The following GABRP variants were observed in gnomAD, a reference collection of about 807,000 sequenced individuals.
GABRP encodes gamma-aminobutyric acid receptor subunit pi.
A neutral mutation model predicts 47.8 loss-of-function variants in GABRP; 52 were observed. The observed-to-expected ratio is 1.09, with a 90% CI of 0.87 to 1.37. GABRP has a LOEUF of 1.37. GABRP is among the 40% of genes most tolerant of loss of function. The probability of loss-of-function intolerance (pLI) is 0.00; values close to 1 mark genes in which losing one functional copy is unlikely to be tolerated. For synonymous variants in GABRP, 221 were observed against 205.8 expected (o/e 1.07, Z -0.63); for missense variants, 525 against 542.8 (o/e 0.97, Z 0.33).
Position 170,788,686 on chromosome 5 carries a change from C to A in GABRP, c.53+18C>A, listed in dbSNP as rs1469728257. The A allele has an allele frequency of 6.2e-7, 1 of 1,613,040 alleles. No homozygotes were observed. The highest frequency in any genetic ancestry group is 1.7e-5 in the Admixed American group (1 of 60,012). ...ACTGAGAGGTGAGCTTTGCTACCCC[C>A]AGAATGGCCTCCATCTGCGTTGCTT... On this transcript the variant is annotated intron_variant, in intron 2 of 9. Transcript: ENST00000265294.
rs149005971 is a variant in GABRP at position 170,796,897 on chromosome 5, G to T, written c.459-569G>T. Among the ~76,000 whole-genome samples the T allele has an allele frequency of 3.5e-3, 531 of 152,308 alleles. 2 individuals are homozygous for T. The highest frequency in any genetic ancestry group is 0.012 in the African/African-American group (514 of 41,552). On this transcript the variant is annotated intron_variant, in intron 5 of 9. Transcript: ENST00000265294. ...GGTGAATGCAATCTCCACTGTGAGG[G>T]CATAACTGACCTTTAATTGAATATC...
At chr5:170,797,909 G>A (rs1286637300) in intron 6 of GABRP, among the ~76,000 whole-genome samples, 1 of 152,240 alleles carries the variant, frequency 6.6e-6, no homozygotes, top group East Asian at 1.9e-4. Flanking sequence ...CTGACACACA[G>A]TCGTGCCCAT....
Position 170,809,772 on chromosome 5 carries a change from C to T in GABRP, c.1020+17C>T, listed in dbSNP as rs1287278731. The stretch of plus-strand genomic sequence containing the variant: ...AAAGATAGGGTAAGAGTCTTGAGGG[C>T]CCTGTGTATGATCCATCACTGGTGC... On this transcript the variant is annotated intron_variant, in intron 9 of 9. Transcript: ENST00000265294. 1.4e-5 allele frequency: 22 copies of T among 1,573,076 alleles called. No homozygotes were observed. Among genetic ancestry groups the T allele is most frequent in the Non-Finnish European group, 1.7e-5 (20 of 1,160,032 alleles).
intron 1 of GABRP, among the ~76,000 whole-genome samples, chr5:170,786,161 T>C (rs1326659904): frequency 6.6e-6 from 1 of 152,028 alleles, no homozygotes; most frequent in East Asian, 1.9e-4. Context: ...AATAAACCTG[T>C]GGAAAATTGA....
Position 170,811,946 on chromosome 5 carries a change from T to G in GABRP, c.1021-10T>G. 1 of 1,611,810 alleles carries G rather than the reference T, an allele frequency of 6.2e-7. No homozygotes were observed. Among genetic ancestry groups the G allele is most frequent in the Non-Finnish European group, 8.5e-7 (1 of 1,178,308 alleles). On this transcript the variant is annotated splice_polypyrimidine_tract_variant and intron_variant, in intron 9 of 9. Coordinates refer to ENST00000265294, the MANE Select transcript of GABRP (RefSeq NM_014211.3). ...AGTCTTTTAAGCTAACTGCATTGTCTATGAACTAGGGGACAACAAAGGAAG... is the reference window on the plus strand; with the variant it reads ...AGTCTTTTAAGCTAACTGCATTGTCGATGAACTAGGGGACAACAAAGGAAG...
At chr5:170,796,628 A>G (rs1765436109) in intron 5 of GABRP, among the ~76,000 whole-genome samples, 1 of 152,176 alleles carries the variant, frequency 6.6e-6, no homozygotes, top group Admixed American at 6.5e-5. Context: ...CCTACCTAGT[A>G]GAACTGTTCA....
At chr5:170,799,000 A>C (rs1356210061) in intron 6 of GABRP, among the ~76,000 whole-genome samples, 1 of 133,788 alleles carries the variant, frequency 7.5e-6, no homozygotes, top group Non-Finnish European at 1.5e-5. Context: ...CTCACTGTTC[A>C]ATTCCCACCT....
chr5:170,805,391 C>T (rs180908649), intron 6 of GABRP, among the ~76,000 whole-genome samples: 225 of 152,198 alleles, frequency 1.5e-3, no homozygotes, highest in African/African-American at 4.3e-3. Context: ...AGTATCTTTG[C>T]GTGTTCACAG....
intron 6 of GABRP, among the ~76,000 whole-genome samples, chr5:170,800,582 G>A (rs1765564998): frequency 6.6e-6 from 1 of 152,122 alleles, no homozygotes. Flanking sequence ...GTGTTTTATG[G>A]CCTCAATCTG....
At chr5:170,798,263 G>A (rs1004840269) in intron 6 of GABRP, among the ~76,000 whole-genome samples, 3 of 152,052 alleles carry the variant, frequency 2.0e-5, no homozygotes, top group South Asian at 2.1e-4. Context: ...GGATGGTCTC[G>A]ATCTCCTGAC....
At position 170,812,012 on chromosome 5, in the gene GABRP, C is replaced by T. The variant is rs370084887; in HGVS notation, c.1077C>T (p.Ile359=). The T allele has an allele frequency of 1.6e-5, 26 of 1,614,082 alleles. No homozygotes were observed. Among genetic ancestry groups the T allele is most frequent in the Non-Finnish European group, 1.7e-5 (20 of 1,180,032 alleles). ...TTACTAATATCATCAACAGCTCCAT[C>T]TCCAGCTTTAAACGGAAGATCAGCT... ...VSITNIINSS[I]SSFKRKISFA... Residue 359 remains isoleucine (I), a synonymous_variant, in exon 10 of 10, where the codon ATC becomes ATT. Coordinates refer to ENST00000265294, the MANE Select transcript of GABRP (RefSeq NM_014211.3).
Position 170,783,729 on chromosome 5 carries a change from C to T in GABRP, c.-188C>T. ...TCCATTCTTCCCCAGAGAGCCACTCCATCTGAGGGTGGCTGCGTGTCCACA... is the reference window on the plus strand; with the variant it reads ...TCCATTCTTCCCCAGAGAGCCACTCTATCTGAGGGTGGCTGCGTGTCCACA... On this transcript the variant is annotated 5_prime_UTR_variant, in exon 1 of 10. Coordinates refer to ENST00000265294, the MANE Select transcript of GABRP (RefSeq NM_014211.3). 1 of 152,260 alleles carries T rather than the reference C, an allele frequency of 6.6e-6. No homozygotes were observed. The allele number at this position is 152,260 out of a possible 1,614,324, so 9.4% of individuals were successfully genotyped here.
At chr5:170,791,215 T>C (rs1025606764) in intron 3 of GABRP, among the ~76,000 whole-genome samples, 2 of 152,260 alleles carry the variant, frequency 1.3e-5, no homozygotes, top group Admixed American at 6.5e-5. Flanking sequence ...TAAAGGGATG[T>C]GATGCCTCAT....
rs1419640700 is a variant in GABRP at position 170,797,469 on chromosome 5, CACG to C, written c.465_467del (p.Thr157del). 3 of 1,605,298 alleles carry C rather than the reference CACG, an allele frequency of 1.9e-6. No homozygotes were observed. The highest frequency in any genetic ancestry group is 1.7e-5 in the Admixed American group (1 of 60,000). The stretch of plus-strand genomic sequence containing the variant: ...TGAACCTGTTTTTCCCTCTTAGAAT[CACG>C]ACAACTGTTGCATGTAACATGGATC... On this transcript the variant is annotated inframe_deletion, in exon 6 of 10. Coordinates refer to ENST00000265294, the MANE Select transcript of GABRP (RefSeq NM_014211.3).
intron 1 of GABRP, chr5:170,788,347 TA>T (rs5873237): frequency 0.092 from 31,855 of 347,410 alleles, 2,053 homozygotes; most frequent in African/African-American, 0.19. Flanking sequence ...AGGCCCTGTT[TA>T]AAAAAAATAA....
In GABRP at chr5:170,789,082, A is replaced by T. The variant is rs768619421; in HGVS notation, c.54-47A>T. 3 of 1,457,024 alleles carry T rather than the reference A, an allele frequency of 2.1e-6. No individual in the cohort carries two copies. In the South Asian group the frequency reaches 3.5e-5, roughly 17 times the overall value. 90.3% of individuals were successfully genotyped at this position (1,457,024 alleles called of 1,614,324 possible). A position where few individuals can be genotyped will look rare whatever the true frequency, so the allele number is the denominator to read the frequency against. ...AGCTCAAGGGTGTGTACACGTGTTGATTCACACATAAACAAGCAAACACAA... is the reference window on the plus strand; with the variant it reads ...AGCTCAAGGGTGTGTACACGTGTTGTTTCACACATAAACAAGCAAACACAA... On this transcript the variant is annotated intron_variant, in intron 2 of 9. Transcript: ENST00000265294.
At chr5:170,807,487 T>C (rs1193445169) in intron 7 of GABRP, among the ~76,000 whole-genome samples, 1 of 152,134 alleles carries the variant, frequency 6.6e-6, no homozygotes, top group African/African-American at 2.4e-5. Context: ...CAAATGTTGA[T>C]TCTAAGGTTT....
chr5:170,785,176 C>T (rs551664157), intron 1 of GABRP, among the ~76,000 whole-genome samples: 3 of 152,302 alleles, frequency 2.0e-5, no homozygotes, highest in South Asian at 4.1e-4. Context: ...GGATGTGCTG[C>T]GGATGCAACA....
In GABRP at chr5:170,811,992, A is replaced by G; in HGVS notation, c.1057A>G (p.Asn353Asp). The change falls in exon 10 of 10, where the codon AAT becomes GAT. Residue 353 changes from asparagine (N) to aspartate (D), a missense_variant. Transcript: ENST00000265294. ...GGAAGTAGAAGAAGTCAGTATTACTAATATCATCAACAGCTCCATCTCCAG... is the reference window on the plus strand; with the variant it reads ...GGAAGTAGAAGAAGTCAGTATTACTGATATCATCAACAGCTCCATCTCCAG... Reference protein sequence around the residue: ...TKEVEEVSITNIINSSISSFK... With the variant: ...TKEVEEVSITDIINSSISSFK... 6.2e-7 allele frequency: 1 copy of G among 1,614,182 alleles called. No homozygotes were observed. Among genetic ancestry groups the G allele is most frequent in the Non-Finnish European group, 8.5e-7 (1 of 1,180,016 alleles).
Sources: gnomAD v4.1 joint callset for allele counts (sites outside exome capture counted in the v4.1 genomes callset) on GRCh38, gnomAD v4.1.1 for gene constraint, MANE v1.5 for transcripts, NCBI Gene and HGNC (gene_info 2026-07-23, HGNC 2026-07-21) for gene names.